The following SLC35F1 variants were observed in gnomAD, a reference collection of about 807,000 sequenced individuals.
The protein encoded by SLC35F1 is chromosome 6 open reading frame 169.
Under a neutral mutation model 48.7 loss-of-function variants are expected in SLC35F1, and 14 were observed. The observed-to-expected ratio is 0.29, with a 90% CI of 0.19 to 0.45. The LOEUF (loss-of-function observed/expected upper bound fraction) is 0.45, where lower values mean the gene tolerates loss of function less well. SLC35F1 is among the 20% of genes least tolerant of loss of function. SLC35F1 has a pLI of 1.00. For missense variants in SLC35F1, 404 were observed against 500.0 expected (o/e 0.81, Z 1.83); for synonymous variants, 190 against 202.2 (o/e 0.94, Z 0.51).
intron 4 of SLC35F1, 58 bp downstream of exon 4, chr6:118,267,212 A>G (rs1419266395): frequency 6.3e-7 from 1 of 1,592,502 alleles, no homozygotes; most frequent in Non-Finnish European, 8.6e-7. Flanking sequence ...CAAGGCAAGA[A>G]ATGGAATGTT....
Position 118,084,067 on chromosome 6 carries a change from G to A in SLC35F1, c.174-70378G>A, listed in dbSNP as rs551870010. 7.9e-5 allele frequency among the ~76,000 whole-genome samples: 12 copies of A among 152,266 alleles called. No homozygotes were observed. In the East Asian group the frequency reaches 1.5e-3, roughly 20 times the overall value. ...ATAGAAGTTTTAATTTCCCGATTTT[G>A]CATAAGAAGAAGCTGAGTTTTAGTT... On this transcript the variant is annotated intron_variant, in intron 1 of 7. Transcript: ENST00000360388.
At position 118,235,503 on chromosome 6, in the gene SLC35F1, A is replaced by G. The variant is rs1006506689; in HGVS notation, c.350-6A>G. ...TAACCCATTTCTTCTTAACTTTGTA[A>G]CACAGGAGAAGAAAACCTCCTGGCA... is the stretch of plus-strand genomic sequence containing the variant. On this transcript the variant is annotated splice_region_variant and splice_polypyrimidine_tract_variant and intron_variant, in intron 2 of 7. Coordinates refer to ENST00000360388, the MANE Select transcript of SLC35F1 (RefSeq NM_001029858.4). 1 of 1,612,388 alleles carries G rather than the reference A, an allele frequency of 6.2e-7. No homozygotes were observed. Among genetic ancestry groups the G allele is most frequent in the African/African-American group, 1.3e-5 (1 of 74,886 alleles).
chr6:118,140,234 T>C (rs1773863841), intron 1 of SLC35F1, among the ~76,000 whole-genome samples: 1 of 152,202 alleles, frequency 6.6e-6, no homozygotes, highest in Non-Finnish European at 1.5e-5. Flanking sequence ...ATGAAGGAAG[T>C]TGCGTCTTGG....
At chr6:118,116,049 A>G (rs1002807400) in intron 1 of SLC35F1, among the ~76,000 whole-genome samples, 4 of 152,158 alleles carry the variant, frequency 2.6e-5, no homozygotes, top group Non-Finnish European at 5.9e-5. Flanking sequence ...TGTGAGATAG[A>G]CTTCAAATAT....
At chr6:118,202,107 T>C (rs1049180353) in intron 2 of SLC35F1, among the ~76,000 whole-genome samples, 7 of 152,216 alleles carry the variant, frequency 4.6e-5, no homozygotes, top group African/African-American at 1.7e-4. Flanking sequence ...TTCATTGGTA[T>C]GTTTTCTTGG....
intron 1 of SLC35F1, among the ~76,000 whole-genome samples, chr6:118,104,727 C>T (rs1028358150): frequency 4.6e-5 from 7 of 152,068 alleles, no homozygotes; most frequent in Non-Finnish European, 8.8e-5. Flanking sequence ...TGCTTTGGAC[C>T]GGAGAATGTC....
intron 1 of SLC35F1, among the ~76,000 whole-genome samples, chr6:117,971,201 G>T (rs910972673): frequency 1.3e-5 from 2 of 152,202 alleles, no homozygotes; most frequent in African/African-American, 4.8e-5. Flanking sequence ...CCTCGTGCAA[G>T]TCCGAAATCC....
At chr6:118,195,182 A>G (rs1774784751) in intron 2 of SLC35F1, among the ~76,000 whole-genome samples, 1 of 152,186 alleles carries the variant, frequency 6.6e-6, no homozygotes, top group Non-Finnish European at 1.5e-5. Context: ...TTACTCAGGT[A>G]AAATGTACCC....
intron 7 of SLC35F1, among the ~76,000 whole-genome samples, chr6:118,287,335 G>A (rs1776063766): frequency 1.3e-5 from 2 of 152,126 alleles, no homozygotes; most frequent in Admixed American, 1.3e-4. Flanking sequence ...CCATTACTTG[G>A]TGTGAACTCA....
At chr6:118,189,835 G>T (rs933401721) in intron 2 of SLC35F1, among the ~76,000 whole-genome samples, 1 of 152,224 alleles carries the variant, frequency 6.6e-6, no homozygotes, top group African/African-American at 2.4e-5. Context: ...AATCCAAAGT[G>T]AGGTACAGAA....
chr6:118,166,410 A>T (rs555341711), intron 2 of SLC35F1, among the ~76,000 whole-genome samples: 2 of 152,202 alleles, frequency 1.3e-5, no homozygotes, highest in Non-Finnish European at 2.9e-5. Flanking sequence ...CTACAAGTAG[A>T]TTTCAACGTT....
In SLC35F1 at chr6:118,315,954, A is replaced by T. The variant is rs1345983812; in HGVS notation, c.*1702A>T. Reference sequence around the variant, plus strand: ...ACTGACTTCAATACCATTCAAAAAGATCCTCAATGGAGTTACAGGGTTTAT... The same window carrying T: ...ACTGACTTCAATACCATTCAAAAAGTTCCTCAATGGAGTTACAGGGTTTAT... On this transcript the variant is annotated 3_prime_UTR_variant, in exon 8 of 8. Transcript: ENST00000360388. The T allele has an allele frequency of 2.6e-5, 4 of 152,222 alleles. No individual in the cohort carries two copies. Among genetic ancestry groups the T allele is most frequent in the African/African-American group, 9.6e-5 (4 of 41,454 alleles). 9.4% of individuals were successfully genotyped at this position (152,222 alleles called of 1,614,324 possible).
At chr6:118,025,885 C>T (rs903744078) in intron 1 of SLC35F1, among the ~76,000 whole-genome samples, 4 of 152,120 alleles carry the variant, frequency 2.6e-5, no homozygotes, top group Non-Finnish European at 5.9e-5. Flanking sequence ...AAATAGAGGT[C>T]AGTAACACTT....
intron 2 of SLC35F1, among the ~76,000 whole-genome samples, chr6:118,232,902 C>T (rs940023373): frequency 1.3e-5 from 2 of 152,022 alleles, no homozygotes; most frequent in African/African-American, 2.4e-5. Context: ...AATGCACAGG[C>T]CCCCACCCAA....
At chr6:118,099,429 G>T (rs927531429) in intron 1 of SLC35F1, among the ~76,000 whole-genome samples, 2 of 151,950 alleles carry the variant, frequency 1.3e-5, no homozygotes, top group Non-Finnish European at 2.9e-5. Flanking sequence ...TTTGCATTAA[G>T]TTCTCTTTCT....
At chr6:118,152,879 T>C (rs994647008) in intron 1 of SLC35F1, among the ~76,000 whole-genome samples, 2 of 150,624 alleles carry the variant, frequency 1.3e-5, no homozygotes, top group African/African-American at 4.9e-5. Flanking sequence ...TGGGGAACTA[T>C]TGTAAGATTT....
chr6:118,257,675 G>A (rs1475456363), intron 3 of SLC35F1, among the ~76,000 whole-genome samples: 1 of 152,156 alleles, frequency 6.6e-6, no homozygotes, highest in African/African-American at 2.4e-5. Context: ...CAACATTAAA[G>A]AAGAAAACAG....
chr6:118,155,019 G>A (rs1418515155), intron 2 of SLC35F1, among the ~76,000 whole-genome samples: 1 of 152,076 alleles, frequency 6.6e-6, no homozygotes, highest in African/African-American at 2.4e-5. Flanking sequence ...CTGTGGGAAA[G>A]TGACACAAGA....
intron 1 of SLC35F1, among the ~76,000 whole-genome samples, chr6:118,148,070 G>A (rs17079788): frequency 2.0e-5 from 3 of 152,120 alleles, no homozygotes; most frequent in Admixed American, 6.5e-5. Flanking sequence ...GGTAGAACAC[G>A]CTTCTCCCAC....
Sources: gnomAD v4.1 joint callset for allele counts (sites outside exome capture counted in the v4.1 genomes callset) on GRCh38, gnomAD v4.1.1 for gene constraint, MANE v1.5 for transcripts, NCBI Gene and HGNC (gene_info 2026-07-23, HGNC 2026-07-21) for gene names.